POFUT2: variants seen among roughly 807,000 people sequenced by gnomAD.
POFUT2 encodes the protein GDP-fucose protein O-fucosyltransferase 2.
In POFUT2, 30 loss-of-function variants were observed where a neutral mutation model predicts 55.0. That is an observed-to-expected ratio of 0.55 (90% CI 0.41 to 0.74). The LOEUF is 0.74. Ranked by LOEUF, POFUT2 falls within the 30% of genes least tolerant of loss-of-function variation. The pLI is 0.00. For synonymous variants in POFUT2, 267 were observed against 231.1 expected (o/e 1.16, Z -1.41); for missense variants, 524 against 562.6 (o/e 0.93, Z 0.69).
At position 45,277,177 on chromosome 21, in the gene POFUT2, C is replaced by A. The variant is rs760246676; in HGVS notation, c.706-35G>T. On this transcript the variant is annotated intron_variant, in intron 5 of 8. Transcript: ENST00000349485. The surrounding 1 kb of genome is among the most constrained non-coding windows in gnomAD (Gnocchi z 6.9). ...CGGCGACGGCTCGGCTGAGAACACG[C>A]CCGCCCGCCACGCAGCCCTCCCGGA... 1 of 1,601,866 alleles carries A rather than the reference C, an allele frequency of 6.2e-7. No homozygotes were observed. The highest frequency in any genetic ancestry group is 1.1e-5 in the South Asian group (1 of 90,730).
chr21:45,267,214 A>T lies in POFUT2; in HGVS notation c.1136+376T>A. The T allele has an allele frequency of 7.1e-7, 1 of 1,406,936 alleles. No individual in the cohort carries two copies. The highest frequency in any genetic ancestry group is 1.4e-5 in the African/African-American group (1 of 69,264). 87.2% of individuals were successfully genotyped at this position (1,406,936 alleles called of 1,614,324 possible). Reference sequence around the variant, plus strand: ...GCCTCGGGGACGCTCACGGATGCTCAACAACACAGCAACAAGGACATGCCC... The same window carrying T: ...GCCTCGGGGACGCTCACGGATGCTCTACAACACAGCAACAAGGACATGCCC... On this transcript the variant is annotated intron_variant, in intron 8 of 8. Transcript: ENST00000349485. The surrounding 1 kb of genome is among the most constrained non-coding windows in gnomAD (Gnocchi z 4.4).
Position 45,282,871 on chromosome 21 carries a change from A to G in POFUT2, c.528-412T>C, listed in dbSNP as rs142674758. On this transcript the variant is annotated intron_variant, in intron 3 of 8. Transcript: ENST00000349485. This position sits in a 1 kb window ranked among gnomAD's most constrained non-coding sequence, Gnocchi z 4.6. ...GAGGCTGTTAACTGACAGCTTTTCC[A>G]CAGGAGGCCTGGTAGTGTCAGAGCC... 663 of 477,844 alleles carry G rather than the reference A, an allele frequency of 1.4e-3. 4 individuals carry two copies. The highest frequency in any genetic ancestry group is 0.011 in the African/African-American group (577 of 50,526). 29.6% of individuals were successfully genotyped at this position (477,844 alleles called of 1,614,324 possible). A position where few individuals can be genotyped will look rare whatever the true frequency, so the allele number is the denominator to read the frequency against.
chr21:45,266,968 C>T, intron 8 of POFUT2: 1 of 1,026,498 alleles, frequency 9.7e-7, no homozygotes, highest in South Asian at 3.7e-5. Context: ...GTACCTCCCA[C>T]AGCAACCCCA....
chr21:45,283,570 G>A (rs1205729003), intron 2 of POFUT2, 43 bp from the exon 3 acceptor site: 2 of 1,606,996 alleles, frequency 1.2e-6, no homozygotes, highest in East Asian at 2.2e-5. Flanking sequence ...ACAGCGATCA[G>A]AAGCTCACTT....
At chr21:45,278,279 G>C in intron 4 of POFUT2, 110 bp from the exon 5 acceptor site, 1 of 933,222 alleles carries the variant, frequency 1.1e-6, no homozygotes, top group Non-Finnish European at 1.8e-6. Context: ...CAGAGACCAA[G>C]TCTCCGAGGG....
In POFUT2 at chr21:45,283,493, G is replaced by A. The variant is rs1390165351; in HGVS notation, c.417C>T (p.Val139=). Residue 139 remains valine (V), a synonymous_variant, in exon 3 of 9, where the codon GTC becomes GTT. Coordinates refer to ENST00000349485, the MANE Select transcript of POFUT2 (RefSeq NM_133635.6). ...SGGPFIDQVY[V]LQSYAEGWKE... ...TCCACCCCTCTGCGTAACTTTGCAG[G>A]ACGTAAACCTGGTCAATAAAGGGCC... 1 of 1,613,880 alleles carries A rather than the reference G, an allele frequency of 6.2e-7. No homozygotes were observed. Among genetic ancestry groups the A allele is most frequent in the East Asian group, 2.2e-5 (1 of 44,880 alleles).
At chr21:45,276,973 G>T in intron 6 of POFUT2, 44 bp downstream of exon 6, 1 of 1,605,482 alleles carries the variant, frequency 6.2e-7, no homozygotes. Context: ...CATCTCCAGA[G>T]AGACTTTACC....
chr21:45,269,894 G>A lies in POFUT2; in HGVS notation c.957C>T (p.Leu319=), dbSNP rs575056333. 5.6e-5 allele frequency: 90 copies of A among 1,611,644 alleles called. 2 individuals are homozygous for A. The South Asian group carries it at 8.7e-4, about 16-fold the overall frequency. The change falls in exon 7 of 9, where the codon CTC becomes CTT. Residue 319 remains leucine (L), a synonymous_variant. Coordinates refer to ENST00000349485, the MANE Select transcript of POFUT2 (RefSeq NM_133635.6). ...CCTTGTCCAGCCGGTGGGTCTTCAT[G>A]AGGCTGCGGATCTTCCTCACGGCCC... The part of the protein sequence containing the change: ...LEGAVRKIRS[L]MKTHRLDKVF...
At position 45,285,972 on chromosome 21, in the gene POFUT2, T is replaced by A. The variant is rs369665591; in HGVS notation, c.132-44A>T. The A allele has an allele frequency of 5.2e-6, 8 of 1,552,844 alleles. No individual in the cohort carries two copies. The highest frequency in any genetic ancestry group is 1.8e-5 in the Admixed American group (1 of 54,784). ...GACCACAGGTCTCAAATGCTGAGGT[T>A]TCTGCACGGAAAACCCGACTGCTCA... On this transcript the variant is annotated intron_variant, in intron 1 of 8. Transcript: ENST00000349485. This position sits in a 1 kb window ranked among gnomAD's most constrained non-coding sequence, Gnocchi z 4.9.
At position 45,283,412 on chromosome 21, in the gene POFUT2, C is replaced by T. The variant is rs1197507871; in HGVS notation, c.498G>A (p.Leu166=). ...VDERPCIDQL[L]YSQDKHEYYR... is the part of the protein sequence containing the mutation. ...AGTACTCGTGCTTGTCCTGGGAGTA[C>T]AGGAGCTGATCAATACACGGCCGCT... is the stretch of plus-strand genomic sequence containing the variant. The change falls in exon 3 of 9, where the codon CTG becomes CTA. Residue 166 remains leucine, a synonymous_variant. Transcript: ENST00000349485. 2 of 1,612,234 alleles carry T rather than the reference C, an allele frequency of 1.2e-6. No homozygotes were observed. The highest frequency in any genetic ancestry group is 1.7e-6 in the Non-Finnish European group (2 of 1,179,494).
At position 45,270,309 on chromosome 21, in the gene POFUT2, C is replaced by T. The variant is rs545774062; in HGVS notation, c.832-290G>A. Among the ~76,000 whole-genome samples the T allele has an allele frequency of 2.1e-4, 32 of 152,202 alleles. No homozygotes were observed. Among genetic ancestry groups the T allele is most frequent in the African/African-American group, 6.7e-4 (28 of 41,518 alleles). On this transcript the variant is annotated intron_variant, in intron 6 of 8. Coordinates refer to ENST00000349485, the MANE Select transcript of POFUT2 (RefSeq NM_133635.6). The surrounding 1 kb of genome is among the most constrained non-coding windows in gnomAD (Gnocchi z 4.6). ...AGGCTCACGCTGTGAACTTTTCCTC[C>T]GAGAACCACCGCAGGGACGTGCCAC...
At chr21:45,280,794 G>A (rs960852329) in intron 4 of POFUT2, among the ~76,000 whole-genome samples, 6 of 151,418 alleles carry the variant, frequency 4.0e-5, no homozygotes, top group African/African-American at 1.2e-4. Flanking sequence ...ATCCCGTCTT[G>A]GACTCGCCTC....
In POFUT2 at chr21:45,269,906, C is replaced by T; in HGVS notation, c.945G>A (p.Lys315=). The T allele has an allele frequency of 6.2e-7, 1 of 1,610,920 alleles. No homozygotes were observed. Among genetic ancestry groups the T allele is most frequent in the East Asian group, 2.2e-5 (1 of 44,762 alleles). The change falls in exon 7 of 9, where the codon AAG becomes AAA. Residue 315 remains lysine, a synonymous_variant. Transcript: ENST00000349485. Reference sequence around the variant, plus strand: ...GGTGGGTCTTCATGAGGCTGCGGATCTTCCTCACGGCCCCTTCCAGACTGG... The same window carrying T: ...GGTGGGTCTTCATGAGGCTGCGGATTTTCCTCACGGCCCCTTCCAGACTGG... ...DVPSLEGAVR[K]IRSLMKTHRL... is the part of the protein sequence containing the mutation.
rs201741012 is a variant in POFUT2, at chr21:45,282,396, G to C, written c.591C>G (p.Gly197=). ...GLNVSCLSVQ[G]SASIVAPLLL... is the part of the protein sequence containing the mutation. ...GCAGGGGCGCCACGATGGAGGCTGAGCCCTGGACGGACAGACAGGAGACGT... is the reference window on the plus strand; with the variant it reads ...GCAGGGGCGCCACGATGGAGGCTGACCCCTGGACGGACAGACAGGAGACGT... The change falls in exon 4 of 9, where the codon GGC becomes GGG. Residue 197 remains glycine (G), a synonymous_variant. Coordinates refer to ENST00000349485, the MANE Select transcript of POFUT2 (RefSeq NM_133635.6). This position sits in a 1 kb window ranked among gnomAD's most constrained non-coding sequence, Gnocchi z 4.6. The C allele has an allele frequency of 6.2e-7, 1 of 1,613,636 alleles. No homozygotes were observed. The highest frequency in any genetic ancestry group is 8.5e-7 in the Non-Finnish European group (1 of 1,179,860).
At position 45,282,785 on chromosome 21, in the gene POFUT2, G is replaced by T. The variant is rs573624061; in HGVS notation, c.528-326C>A. 68 of 507,046 alleles carry T rather than the reference G, an allele frequency of 1.3e-4. No individual in the cohort carries two copies. Among genetic ancestry groups the T allele is most frequent in the South Asian group, 9.9e-4 (64 of 64,786 alleles). 31.4% of individuals were successfully genotyped at this position (507,046 alleles called of 1,614,324 possible). On this transcript the variant is annotated intron_variant, in intron 3 of 8. Coordinates refer to ENST00000349485, the MANE Select transcript of POFUT2 (RefSeq NM_133635.6). This position sits in a 1 kb window ranked among gnomAD's most constrained non-coding sequence, Gnocchi z 4.6. ...TGTGACCGTCAGCCAAGTCAACCGC[G>T]CCCTTCCCAAGAGCTCACCTGCCAT... is the stretch of plus-strand genomic sequence containing the variant.
chr21:45,279,816 A>G (rs1364295257), intron 4 of POFUT2, among the ~76,000 whole-genome samples: 1 of 152,216 alleles, frequency 6.6e-6, no homozygotes, highest in African/African-American at 2.4e-5. Flanking sequence ...GGTGATGTCC[A>G]TGTGTCGTAA....
chr21:45,268,071 C>G (rs949108351), intron 7 of POFUT2, among the ~76,000 whole-genome samples: 15 of 152,222 alleles, frequency 9.9e-5, no homozygotes, highest in African/African-American at 3.4e-4. Flanking sequence ...CTGCTGCCAT[C>G]TCGGCTCACT....
intron 7 of POFUT2, among the ~76,000 whole-genome samples, chr21:45,268,038 T>C (rs1292661117): frequency 2.0e-5 from 3 of 151,852 alleles, no homozygotes; most frequent in Non-Finnish European, 2.9e-5. Context: ...CTCCCTCTCA[T>C]GCGGAGCCAA....
chr21:45,269,759 T>C, intron 7 of POFUT2, 80 bp downstream of exon 7: 3 of 1,362,626 alleles, frequency 2.2e-6, no homozygotes, highest in South Asian at 2.6e-5. Flanking sequence ...AATCCCCGTC[T>C]GTGAGAAACA....
Sources: gnomAD v4.1 joint callset for allele counts (sites outside exome capture counted in the v4.1 genomes callset) on GRCh38, gnomAD v4.1.1 for gene constraint, Gnocchi (gnomAD v3.1) non-coding constraint, MANE v1.5 for transcripts, NCBI Gene and HGNC (gene_info 2026-07-23, HGNC 2026-07-21) for gene names.